Variants in ADAM10 observed in about 807,000 individuals in gnomAD.
The protein encoded by ADAM10 is disintegrin and metalloproteinase domain-containing protein 10.
ADAM10 carries 17 observed loss-of-function variants against 90.1 expected under a neutral mutation model. The ratio of observed to expected loss-of-function variants is 0.19; its 90% CI spans 0.13 to 0.28. The LOEUF (loss-of-function observed/expected upper bound fraction) is 0.28, where lower values mean the gene tolerates loss of function less well. Among genes scored for constraint, ADAM10 ranks in the 10% least tolerant of loss-of-function variants. ADAM10 has a pLI of 1.00. For synonymous variants in ADAM10, 310 were observed against 298.6 expected (o/e 1.04, Z -0.40); for missense variants, 610 against 914.3 (o/e 0.67, Z 4.29).
rs1167161957 is a variant in ADAM10, at chr15:58,717,727, C to A, written c.56G>T (p.Gly19Val). 6.2e-7 allele frequency: 1 copy of A among 1,609,354 alleles called. No homozygotes were observed. The highest frequency in any genetic ancestry group is 1.1e-5 in the South Asian group (1 of 90,584). ...LLLSWAAGMG[G>V]QYGNPLNKYI... is the part of the protein sequence containing the mutation. ...TTTATTTAAAGGATTCCCATACTGA[C>A]CTATAAAAAAAAAACAACATTCTGA... Residue 19 changes from glycine to valine, a missense_variant and splice_region_variant, in exon 2 of 16, where the codon GGT (glycine) becomes GTT (valine). Gly to Val is a moderately radical substitution (Grantham distance 109, BLOSUM62 -3). This residue lies in a region of ADAM10 where 310 missense variants were observed against 362.4 expected (regional missense o/e 0.86). Transcript: ENST00000260408.
intron 2 of ADAM10, among the ~76,000 whole-genome samples, chr15:58,716,970 C>T (rs1312618433): frequency 6.6e-6 from 1 of 151,988 alleles, no homozygotes; most frequent in Non-Finnish European, 1.5e-5. Flanking sequence ...CTTCTCTGAG[C>T]CTTAGTTTCC....
intron 8 of ADAM10, among the ~76,000 whole-genome samples, chr15:58,638,245 G>A (rs571293906): frequency 1.3e-5 from 2 of 152,078 alleles, no homozygotes; most frequent in African/African-American, 2.4e-5. Context: ...AAAAGCAGAG[G>A]GGGGGAAAAT....
rs78732336 is a variant in ADAM10 at position 58,627,190 on chromosome 15, A to G, written c.1360+510T>C. ...CCTTCCACAGAAGGGTATAAACTGT[A>G]TACTTTCACTTATATGAAGACAAAG... On this transcript the variant is annotated intron_variant, in intron 10 of 15. Transcript: ENST00000260408. 5.0e-3 allele frequency among the ~76,000 whole-genome samples: 760 copies of G among 152,276 alleles called. 8 individuals are homozygous for G. Among genetic ancestry groups the G allele is most frequent in the Non-Finnish European group, 7.2e-3 (492 of 67,992 alleles).
chr15:58,723,118 G>A (rs1756588305), intron 1 of ADAM10, among the ~76,000 whole-genome samples: 1 of 151,686 alleles, frequency 6.6e-6, no homozygotes, highest in South Asian at 2.1e-4. Context: ...CTTTCAAACA[G>A]GCAGCCAAGG....
intron 5 of ADAM10, among the ~76,000 whole-genome samples, chr15:58,657,325 A>C (rs1164310918): frequency 6.6e-6 from 1 of 151,980 alleles, no homozygotes; most frequent in Non-Finnish European, 1.5e-5. Flanking sequence ...CATAATTCTT[A>C]TGTTTGCCCT....
intron 1 of ADAM10, among the ~76,000 whole-genome samples, chr15:58,734,204 T>C (rs1899353997): frequency 6.6e-6 from 1 of 152,206 alleles, no homozygotes; most frequent in Non-Finnish European, 1.5e-5. Context: ...ATAATGCTTA[T>C]AAATTGGATG....
rs765465966 is a variant in ADAM10, at chr15:58,610,520, G to A, written c.1805-3C>T. On this transcript the variant is annotated splice_region_variant and splice_polypyrimidine_tract_variant and intron_variant, in intron 13 of 15. Transcript: ENST00000260408. ...ACTGGCACAAGTTGATGGGTCCACT[G>A]GAAAAGAAATGCCAAATATAAGCTG... is the stretch of plus-strand genomic sequence containing the variant. 3.7e-6 allele frequency: 6 copies of A among 1,613,456 alleles called. No individual in the cohort carries two copies. In the South Asian group the frequency reaches 5.5e-5, roughly 15 times the overall value.
intron 1 of ADAM10, among the ~76,000 whole-genome samples, chr15:58,727,695 A>G (rs1479230595): frequency 2.0e-5 from 3 of 152,210 alleles, no homozygotes; most frequent in African/African-American, 7.2e-5. Context: ...AAGATGAGTT[A>G]AAGTAAAAAG....
intron 2 of ADAM10, chr15:58,693,255 G>T: frequency 1.8e-6 from 1 of 565,970 alleles, no homozygotes; most frequent in Admixed American, 2.5e-5. Flanking sequence ...TGTCCAAAAT[G>T]CACACGGCAC....
intron 2 of ADAM10, among the ~76,000 whole-genome samples, chr15:58,697,031 A>T (rs1376201432): frequency 2.0e-5 from 3 of 152,100 alleles, no homozygotes; most frequent in African/African-American, 4.8e-5. Context: ...CCAAAGTGTA[A>T]ACCACTGGCA....
At chr15:58,672,072 A>ATGAG (rs577486267) in intron 4 of ADAM10, among the ~76,000 whole-genome samples, 1 of 151,412 alleles carries the variant, frequency 6.6e-6, no homozygotes. Context: ...AAACAAAATA[A>ATGAG]AAGATAGTTC....
intron 11 of ADAM10, among the ~76,000 whole-genome samples, chr15:58,612,880 G>A (rs2141000045): frequency 6.6e-6 from 1 of 152,294 alleles, no homozygotes; most frequent in African/African-American, 2.4e-5. Flanking sequence ...AATCTTGCCA[G>A]ACAGTAAACA....
At chr15:58,614,318 A>G (rs1233569581) in intron 11 of ADAM10, among the ~76,000 whole-genome samples, 1 of 136,538 alleles carries the variant, frequency 7.3e-6, no homozygotes, top group Non-Finnish European at 1.5e-5. Flanking sequence ...AAAGAAAAAA[A>G]AAAGAAAACC....
intron 5 of ADAM10, among the ~76,000 whole-genome samples, chr15:58,664,695 G>C (rs1449360768): frequency 1.3e-5 from 2 of 152,108 alleles, no homozygotes; most frequent in Non-Finnish European, 2.9e-5. Flanking sequence ...AAAGTCCTGA[G>C]ATTTTTATTA....
chr15:58,697,057 C>G (rs1473602093), intron 2 of ADAM10, among the ~76,000 whole-genome samples: 1 of 152,192 alleles, frequency 6.6e-6, no homozygotes, highest in African/African-American at 2.4e-5. Context: ...CCCACTGCCC[C>G]CAGCAGCAGA....
chr15:58,732,245 G>A (rs8027622), intron 1 of ADAM10: 5,895 of 152,450 alleles, frequency 0.039, 288 homozygotes, highest in African/African-American at 0.11. Context: ...AATCCATGAC[G>A]GAGTAAAGCC....
At chr15:58,730,887 G>A (rs1206170019) in intron 1 of ADAM10, among the ~76,000 whole-genome samples, 3 of 152,166 alleles carry the variant, frequency 2.0e-5, no homozygotes, top group Admixed American at 6.5e-5. Flanking sequence ...CAGCCTCTGC[G>A]GCCTTCAGCC....
intron 1 of ADAM10, among the ~76,000 whole-genome samples, chr15:58,730,781 G>A (rs1899209954): frequency 6.6e-6 from 1 of 152,152 alleles, no homozygotes; most frequent in Non-Finnish European, 1.5e-5. Context: ...TGCACTGTGG[G>A]CAGGCACCAT....
At chr15:58,730,081 G>C (rs1018818191) in intron 1 of ADAM10, among the ~76,000 whole-genome samples, 1 of 151,116 alleles carries the variant, frequency 6.6e-6, no homozygotes, top group Non-Finnish European at 1.5e-5. Flanking sequence ...TCCCAAAATC[G>C]GAAAATTTAA....
Sources: allele counts gnomAD v4.1 joint callset (sites outside exome capture counted in the v4.1 genomes callset), GRCh38; gene constraint gnomAD v4.1.1; regional missense constraint gnomAD v4.1.1; transcripts MANE v1.5; gene names NCBI Gene and HGNC (gene_info 2026-07-23, HGNC 2026-07-21).